The following PDE7B variants were observed in gnomAD, a reference collection of about 807,000 sequenced individuals.
PDE7B encodes the protein 3',5'-cyclic-AMP phosphodiesterase 7B.
In PDE7B, 29 loss-of-function variants were observed where a neutral mutation model predicts 56.2. The observed-to-expected ratio is 0.52, with a 90% CI of 0.38 to 0.70. The LOEUF is 0.70. PDE7B is among the 30% of genes least tolerant of loss of function. The pLI is 0.00. For missense variants in PDE7B, 490 were observed against 565.0 expected (o/e 0.87, Z 1.35); for synonymous variants, 197 against 196.9 (o/e 1.00, Z 0.00).
chr6:135,877,358 CTT>C (rs11302793), intron 1 of PDE7B, among the ~76,000 whole-genome samples: 16,960 of 126,838 alleles, frequency 0.13, 2,838 homozygotes, highest in African/African-American at 0.41. Context: ...TTACACATTC[CTT>C]TTTTTTTTTT....
intron 1 of PDE7B, among the ~76,000 whole-genome samples, chr6:135,859,269 A>G (rs1274724074): frequency 2.0e-5 from 3 of 152,154 alleles, no homozygotes; most frequent in Non-Finnish European, 2.9e-5. Flanking sequence ...TGACAGAAAT[A>G]TAGTGTGTTT....
chr6:136,168,536 T>TA (rs1450297784), intron 8 of PDE7B, among the ~76,000 whole-genome samples: 1 of 152,106 alleles, frequency 6.6e-6, no homozygotes, highest in Non-Finnish European at 1.5e-5. Flanking sequence ...AGGGAGAATG[T>TA]AAAAAATTTT....
At chr6:135,859,624 A>T (rs1775106347) in intron 1 of PDE7B, among the ~76,000 whole-genome samples, 1 of 152,070 alleles carries the variant, frequency 6.6e-6, no homozygotes, top group African/African-American at 2.4e-5. Flanking sequence ...AATAATTGAG[A>T]AATATTGTTC....
intron 2 of PDE7B, among the ~76,000 whole-genome samples, chr6:136,048,641 A>T (rs1444009989): frequency 1.3e-5 from 2 of 152,164 alleles, no homozygotes; most frequent in Non-Finnish European, 2.9e-5. Flanking sequence ...TCCTATAGGG[A>T]TAAGAAAACT....
At chr6:136,004,084 A>C (rs1381002989) in intron 2 of PDE7B, among the ~76,000 whole-genome samples, 2 of 152,182 alleles carry the variant, frequency 1.3e-5, no homozygotes, top group African/African-American at 4.8e-5. Context: ...GCATATAAAC[A>C]GAACCAAAGA....
chr6:135,931,953 GCACACA>G (rs35849934), intron 1 of PDE7B, among the ~76,000 whole-genome samples: 2,826 of 64,354 alleles, frequency 0.044, 99 homozygotes, highest in African/African-American at 0.097. Context: ...ACACGCGCGC[GCACACA>G]CACACACACA....
At chr6:136,008,078 G>T (rs1237548500) in intron 2 of PDE7B, among the ~76,000 whole-genome samples, 2 of 151,238 alleles carry the variant, frequency 1.3e-5, no homozygotes, top group African/African-American at 4.9e-5. Context: ...GTGAGAACGT[G>T]CAGTGTTTGG....
At chr6:136,071,040 C>T (rs535011478) in intron 2 of PDE7B, among the ~76,000 whole-genome samples, 2 of 152,226 alleles carry the variant, frequency 1.3e-5, no homozygotes, top group South Asian at 2.1e-4. Context: ...TCCAAACCCA[C>T]GCCTGGACCA....
At chr6:135,978,713 A>T (rs955276060) in intron 2 of PDE7B, among the ~76,000 whole-genome samples, 1 of 152,150 alleles carries the variant, frequency 6.6e-6, no homozygotes, top group Non-Finnish European at 1.5e-5. Context: ...TTAAAAACCG[A>T]GACACATTGA....
In PDE7B at chr6:135,965,836, T is replaced by C. The variant is rs552628115; in HGVS notation, c.82+18312T>C. 4.6e-5 allele frequency among the ~76,000 whole-genome samples: 7 copies of C among 152,086 alleles called. No homozygotes were observed. The East Asian group carries it at 9.7e-4, about 21-fold the overall frequency. On this transcript the variant is annotated intron_variant, in intron 2 of 12. Coordinates refer to ENST00000308191, the MANE Select transcript of PDE7B (RefSeq NM_018945.4). ...AGACAAGAGGTCATGGGAGGCAGAA[T>C]TGAGGAGTCCTCATGAGGACTGTAG...
intron 8 of PDE7B, among the ~76,000 whole-genome samples, chr6:136,164,838 ATAAGT>A (rs1778767406): frequency 6.6e-6 from 1 of 152,240 alleles, no homozygotes; most frequent in African/African-American, 2.4e-5. Context: ...GACTTAAATA[ATAAGT>A]TAAATTATTC....
intron 2 of PDE7B, among the ~76,000 whole-genome samples, chr6:136,104,891 T>C (rs868703302): frequency 6.6e-6 from 1 of 152,246 alleles, no homozygotes; most frequent in Non-Finnish European, 1.5e-5. Context: ...TTATGGACAG[T>C]GTCAGCACTG....
intron 1 of PDE7B, among the ~76,000 whole-genome samples, chr6:135,871,781 AC>A (rs1434076394): frequency 2.4e-4 from 36 of 152,202 alleles, no homozygotes; most frequent in African/African-American, 8.2e-4. Flanking sequence ...ATACACACAC[AC>A]ACACACACAC....
intron 2 of PDE7B, among the ~76,000 whole-genome samples, chr6:136,052,127 A>T (rs9389368): frequency 2.6e-5 from 4 of 151,876 alleles, no homozygotes; most frequent in African/African-American, 9.7e-5. Context: ...GCTTATATGA[A>T]GCTTACAATA....
In PDE7B at chr6:136,155,725, A is replaced by C; in HGVS notation, c.678A>C (p.Ile226=). Residue 226 remains isoleucine (I), a synonymous_variant, in exon 8 of 13, where the codon ATA becomes ATC. Coordinates refer to ENST00000308191, the MANE Select transcript of PDE7B (RefSeq NM_018945.4). ...CAGGGGTGAACCAGCCATTTTTGAT[A>C]AAAACTAACCACCATCTTGCAAACC... ...DHPGVNQPFL[I]KTNHHLANLY... 1 of 1,614,096 alleles carries C rather than the reference A, an allele frequency of 6.2e-7. No individual in the cohort carries two copies. Among genetic ancestry groups the C allele is most frequent in the South Asian group, 1.1e-5 (1 of 91,086 alleles).
At chr6:135,985,318 A>G (rs1467152779) in intron 2 of PDE7B, among the ~76,000 whole-genome samples, 1 of 152,184 alleles carries the variant, frequency 6.6e-6, no homozygotes, top group Non-Finnish European at 1.5e-5. Flanking sequence ...GGAGCTCCAC[A>G]GGCCCCTGGG....
chr6:136,014,720 TAG>T (rs745613010), intron 2 of PDE7B, among the ~76,000 whole-genome samples: 7 of 152,326 alleles, frequency 4.6e-5, no homozygotes, highest in Non-Finnish European at 8.8e-5. Context: ...CTTTTGAAAG[TAG>T]GTAGAGTAAA....
chr6:136,179,996 T>C (rs1322675409), intron 10 of PDE7B, among the ~76,000 whole-genome samples: 2 of 152,294 alleles, frequency 1.3e-5, no homozygotes, highest in Non-Finnish European at 1.5e-5. Flanking sequence ...AGAACCTTCT[T>C]TCTTGATCTT....
intron 2 of PDE7B, among the ~76,000 whole-genome samples, chr6:136,048,291 A>G (rs894408466): frequency 4.6e-5 from 7 of 152,258 alleles, no homozygotes; most frequent in Admixed American, 3.9e-4. Context: ...TGGGAGGCCG[A>G]GGCAGGTGGA....
Sources: gnomAD v4.1 joint callset for allele counts (sites outside exome capture counted in the v4.1 genomes callset) on GRCh38, gnomAD v4.1.1 for gene constraint, MANE v1.5 for transcripts, NCBI Gene and HGNC (gene_info 2026-07-23, HGNC 2026-07-21) for gene names.